KAZN: variants seen among roughly 807,000 people sequenced by gnomAD.
KAZN encodes the protein kazrin, periplakin interacting protein.
Under a neutral mutation model 87.4 loss-of-function variants are expected in KAZN, and 40 were observed. The observed-to-expected ratio is 0.46, with a 90% CI of 0.36 to 0.60. The LOEUF (loss-of-function observed/expected upper bound fraction) is 0.60, where lower values mean the gene tolerates loss of function less well. Ranked by LOEUF, KAZN falls within the 20% of genes least tolerant of loss-of-function variation. The pLI, the probability that KAZN is intolerant of heterozygous loss-of-function variation, is 0.00. For missense variants in KAZN, 898 were observed against 1,073.9 expected, an observed-to-expected ratio of 0.84 and a Z score of 2.29; for synonymous variants, 466 against 458.3, an observed-to-expected ratio of 1.02 and a Z score of -0.22.
chr1:14,187,826 T>G (rs1646340251), intron 2 of KAZN, among the ~76,000 whole-genome samples: 2 of 152,192 alleles, frequency 1.3e-5, no homozygotes, highest in Admixed American at 1.3e-4. Flanking sequence ...TATGGAACTC[T>G]TTTGATTTCG....
chr1:15,112,329 ATGTGTGTGTGTG>A (rs58658629), intron 13 of KAZN, 86 bp from the exon 14 acceptor site: 25,086 of 633,856 alleles, frequency 0.04, 696 homozygotes, highest in African/African-American at 0.17. Flanking sequence ...ATTGTCACCA[ATGTGTGTGTGTG>A]TGTGTGTGTG....
At chr1:14,080,841 A>AC (rs900586041) in intron 1 of KAZN, among the ~76,000 whole-genome samples, 19 of 151,740 alleles carry the variant, frequency 1.3e-4, no homozygotes, top group African/African-American at 3.6e-4. Context: ...TTGAAGTTTG[A>AC]CCCCCCCAGG....
At chr1:14,001,530 G>T (rs1193812592) in intron 1 of KAZN, among the ~76,000 whole-genome samples, 4 of 152,118 alleles carry the variant, frequency 2.6e-5, no homozygotes, top group Admixed American at 2.0e-4. Context: ...AATCAAAGAA[G>T]ACCCCATATA....
At chr1:14,045,030 A>G (rs183605771) in intron 1 of KAZN, among the ~76,000 whole-genome samples, 133 of 152,240 alleles carry the variant, frequency 8.7e-4, no homozygotes, top group African/African-American at 3.1e-3. Context: ...AGAGGATGAG[A>G]TGCAATGTGA....
At position 14,496,733 on chromosome 1, in the gene KAZN, T is replaced by G. The variant is rs1357601072; in HGVS notation, c.250-102250T>G. On this transcript the variant is annotated intron_variant, in intron 2 of 16. Transcript: ENST00000636203. Reference sequence around the variant, plus strand: ...GCTCTCTCAGTCACACTGAAGCATCTTTTCTGAGTTGAGACATAGGTGAAA... The same window carrying G: ...GCTCTCTCAGTCACACTGAAGCATCGTTTCTGAGTTGAGACATAGGTGAAA... Among the ~76,000 whole-genome samples, 4 of 151,874 alleles carry G rather than the reference T, an allele frequency of 2.6e-5. No individual in the cohort carries two copies. In the East Asian group the frequency reaches 7.7e-4, roughly 29 times the overall value.
intron 1 of KAZN, among the ~76,000 whole-genome samples, chr1:14,942,761 AG>A (rs1057136253): frequency 6.6e-6 from 1 of 152,184 alleles, no homozygotes; most frequent in African/African-American, 2.4e-5. Flanking sequence ...AGCACAGGTC[AG>A]GGCTGCACCA....
At chr1:14,521,986 A>G (rs1329249520) in intron 2 of KAZN, among the ~76,000 whole-genome samples, 1 of 152,196 alleles carries the variant, frequency 6.6e-6, no homozygotes, top group Non-Finnish European at 1.5e-5. Context: ...GAGATTACTA[A>G]TATACATCCA....
At chr1:14,357,218 CTGTT>C (rs1321638729) in intron 2 of KAZN, among the ~76,000 whole-genome samples, 43 of 129,134 alleles carry the variant, frequency 3.3e-4, no homozygotes, top group African/African-American at 1.1e-3. Flanking sequence ...ATTTGGCTCT[CTGTT>C]TGTCTGTTAT....
rs1452319204 is a variant in KAZN at position 14,111,274 on chromosome 1, G to A, written c.92-69161G>A. Among the ~76,000 whole-genome samples the A allele has an allele frequency of 1.5e-5, 2 of 134,440 alleles. 1 individual carries two copies. The highest frequency in any genetic ancestry group is 3.2e-5 in the Non-Finnish European group (2 of 62,864). The allele number at this position is 134,440 out of a possible 152,430, so 88.2% of individuals were successfully genotyped here. On this transcript the variant is annotated intron_variant, in intron 1 of 16. Transcript: ENST00000636203. ...AGTCCAGGATATGCCGATCCACTAAGCTTGAAATTGCATGGGGATCCTGGC... is the reference window on the plus strand; with the variant it reads ...AGTCCAGGATATGCCGATCCACTAAACTTGAAATTGCATGGGGATCCTGGC...
chr1:15,065,544 A>T lies in KAZN; in HGVS notation c.1099-86A>T. 9 of 1,196,592 alleles carry T rather than the reference A, an allele frequency of 7.5e-6. No individual in the cohort carries two copies. In the South Asian group the frequency reaches 1.3e-4, roughly 17 times the overall value. 74.1% of individuals were successfully genotyped at this position (1,196,592 alleles called of 1,614,324 possible). The stretch of plus-strand genomic sequence containing the variant: ...CTCAGAGAGGCCTTCCCCACCCCGG[A>T]TCCCATCCACTGCAGTCTGCACCCC... On this transcript the variant is annotated intron_variant, in intron 7 of 14. Coordinates refer to ENST00000376030, the MANE Select transcript of KAZN (RefSeq NM_201628.3).
At chr1:14,357,802 A>G (rs1571382485) in intron 2 of KAZN, among the ~76,000 whole-genome samples, 1 of 152,230 alleles carries the variant, frequency 6.6e-6, no homozygotes, top group African/African-American at 2.4e-5. Flanking sequence ...AAGTTTTTTG[A>G]TGTGCTGCTG....
At chr1:14,895,735 G>T (rs767382796) in intron 1 of KAZN, among the ~76,000 whole-genome samples, 58 of 152,184 alleles carry the variant, frequency 3.8e-4, no homozygotes, top group Non-Finnish European at 3.5e-4. Flanking sequence ...CATGCAGGCC[G>T]TGATCCCTGG....
rs150719349 is a variant in KAZN at position 13,993,046 on chromosome 1, A to T, written c.91+99290A>T. On this transcript the variant is annotated intron_variant, in intron 1 of 16. Transcript: ENST00000636203. ...CCTTCTTGCTGTGCCCCTTTGCTCC[A>T]GTGATGTCAGGCTTGACCATGTGAT... 4.2e-3 allele frequency among the ~76,000 whole-genome samples: 632 copies of T among 152,284 alleles called. 4 individuals are homozygous for T. The highest frequency in any genetic ancestry group is 0.015 in the African/African-American group (613 of 41,556).
At chr1:14,420,460 C>T (rs2101306826) in intron 2 of KAZN, among the ~76,000 whole-genome samples, 1 of 152,336 alleles carries the variant, frequency 6.6e-6, no homozygotes, top group South Asian at 2.1e-4. Flanking sequence ...ACGGGGGGAG[C>T]TGCCCGCAAG....
intron 1 of KAZN, among the ~76,000 whole-genome samples, chr1:14,829,691 C>T (rs527445059): frequency 6.6e-6 from 1 of 152,296 alleles, no homozygotes; most frequent in South Asian, 2.1e-4. Flanking sequence ...CTGTTACAGG[C>T]AGACAGAATG....
In KAZN at chr1:13,972,961, G is replaced by A. The variant is rs544913567; in HGVS notation, c.91+79205G>A. 4.1e-4 allele frequency among the ~76,000 whole-genome samples: 62 copies of A among 152,252 alleles called. 1 individual carries two copies. The highest frequency in any genetic ancestry group is 1.1e-3 in the African/African-American group (47 of 41,550). ...AATGCAATGATTTAACATATTTATTGTCTATCACATGCCAGGAATTGTTTT... is the reference window on the plus strand; with the variant it reads ...AATGCAATGATTTAACATATTTATTATCTATCACATGCCAGGAATTGTTTT... On this transcript the variant is annotated intron_variant, in intron 1 of 16. Coordinates refer to the KAZN transcript ENST00000636203.
chr1:14,929,963 C>CCCT, intron 1 of KAZN: 2 of 985,484 alleles, frequency 2.0e-6, no homozygotes, highest in Non-Finnish European at 2.4e-6. Flanking sequence ...TTCCCCAGAG[C>CCCT]CCTCATCAGA....
At chr1:14,320,378 C>T (rs2100837405) in intron 2 of KAZN, among the ~76,000 whole-genome samples, 1 of 152,184 alleles carries the variant, frequency 6.6e-6, no homozygotes, top group Middle Eastern at 3.4e-3. Context: ...TCAAGGGATT[C>T]TTATACACAA....
chr1:15,094,362 A>T lies in KAZN; in HGVS notation c.1405A>T (p.Thr469Ser), dbSNP rs377258048. 6.2e-7 allele frequency: 1 copy of T among 1,613,380 alleles called. No individual in the cohort carries two copies. Among genetic ancestry groups the T allele is most frequent in the Non-Finnish European group, 8.5e-7 (1 of 1,179,692 alleles). Residue 469 changes from threonine to serine, a missense_variant, in exon 9 of 15, where the codon ACG becomes TCG. Thr to Ser is a moderately conservative substitution (Grantham distance 58). Around this residue, in one of 3 missense-constraint regions of KAZN, gnomAD observed 521 missense variants for 689.4 expected, o/e 0.76. Coordinates refer to ENST00000376030, the MANE Select transcript of KAZN (RefSeq NM_201628.3). The surrounding 1 kb of genome is among the most constrained non-coding windows in gnomAD (Gnocchi z 4.5). ...MAMPMYVKAC[T>S]ENVKSGKVLL... is the part of the protein sequence containing the mutation. ...CATGCCTATGTACGTCAAGGCCTGC[A>T]CGGAGAACGTGAAGAGCGGGAAGGT...
Sources: allele counts gnomAD v4.1 joint callset (sites outside exome capture counted in the v4.1 genomes callset), GRCh38; gene constraint gnomAD v4.1.1; regional missense constraint gnomAD v4.1.1; non-coding constraint Gnocchi (gnomAD v3.1); transcripts MANE v1.5; gene names NCBI Gene and HGNC (gene_info 2026-07-23, HGNC 2026-07-21).